The following SAMMSON variants were observed in gnomAD, a reference collection of about 807,000 sequenced individuals.
SAMMSON encodes the protein long intergenic non-protein coding RNA 1212.
intron 4 of SAMMSON, among the ~76,000 whole-genome samples, chr3:70,247,609 A>G (rs1282915017): frequency 6.6e-6 from 1 of 151,950 alleles, no homozygotes; most frequent in African/African-American, 2.4e-5. Flanking sequence ...ATATAACATT[A>G]TATCTCTTTT....
At chr3:70,331,176 A>G (rs946026167) in intron 7 of SAMMSON, among the ~76,000 whole-genome samples, 4 of 152,086 alleles carry the variant, frequency 2.6e-5, no homozygotes, top group Non-Finnish European at 4.4e-5. Flanking sequence ...TTTTTCAGAA[A>G]TCTCTTCTGT....
chr3:70,418,195 C>A (rs955629441), intron 2 of SAMMSON, among the ~76,000 whole-genome samples: 2 of 152,176 alleles, frequency 1.3e-5, no homozygotes, highest in Non-Finnish European at 2.9e-5. Flanking sequence ...TTCAGAGGAG[C>A]AGTGTACAAT....
At chr3:70,303,743 G>A (rs1702372881) in intron 7 of SAMMSON, among the ~76,000 whole-genome samples, 1 of 152,138 alleles carries the variant, frequency 6.6e-6, no homozygotes, top group South Asian at 2.1e-4. Flanking sequence ...GTGCAGTGGT[G>A]TGATCCTGGC....
At chr3:70,409,358 C>T (rs528182947) in intron 2 of SAMMSON, among the ~76,000 whole-genome samples, 1 of 151,560 alleles carries the variant, frequency 6.6e-6, no homozygotes, top group Non-Finnish European at 1.5e-5. Flanking sequence ...AGATTAATTT[C>T]ATAAAATATG....
In SAMMSON at chr3:70,238,667, G is replaced by T. The variant is rs138303307; in HGVS notation, n.508-10440G>T. On this transcript the variant is annotated intron_variant and non_coding_transcript_variant, in intron 4 of 9. Transcript: ENST00000642114. ...AACCCCCAAAAGGGGGCCAAGAAAAGAAAGTAAAGGCAGGGCACTTTAGCC... is the reference window on the plus strand; with the variant it reads ...AACCCCCAAAAGGGGGCCAAGAAAATAAAGTAAAGGCAGGGCACTTTAGCC... Among the ~76,000 whole-genome samples, 98 of 152,058 alleles carry T rather than the reference G, an allele frequency of 6.4e-4. No homozygotes were observed. The East Asian group carries it at 0.016, about 25-fold the overall frequency.
intron 7 of SAMMSON, among the ~76,000 whole-genome samples, chr3:70,311,264 G>A (rs191475324): frequency 1.3e-5 from 2 of 152,270 alleles, no homozygotes; most frequent in African/African-American, 4.8e-5. Flanking sequence ...TATTAAAAGT[G>A]ATCATAAAAT....
chr3:70,133,430 T>C (rs1414633619), intron 4 of SAMMSON, among the ~76,000 whole-genome samples: 2 of 152,194 alleles, frequency 1.3e-5, no homozygotes, highest in Non-Finnish European at 2.9e-5. Flanking sequence ...CTCTTCTGTT[T>C]GGCTGTTTCT....
At chr3:70,000,768 T>C (rs2066902710) in intron 1 of SAMMSON, among the ~76,000 whole-genome samples, 1 of 152,202 alleles carries the variant, frequency 6.6e-6, no homozygotes, top group Admixed American at 6.5e-5. Flanking sequence ...ATGCTTCCCA[T>C]TGTCAGCTTG....
At chr3:70,021,327 G>T (rs1362668432) in intron 3 of SAMMSON, among the ~76,000 whole-genome samples, 1 of 152,044 alleles carries the variant, frequency 6.6e-6, no homozygotes, top group Non-Finnish European at 1.5e-5. Context: ...TACTTTTCAA[G>T]AAAGAAGCCA....
intron 9 of SAMMSON, among the ~76,000 whole-genome samples, chr3:70,386,904 A>G (rs1703127229): frequency 6.6e-6 from 1 of 152,100 alleles, no homozygotes; most frequent in African/African-American, 2.4e-5. Flanking sequence ...TATTTCAGGA[A>G]AAGATGGCAG....
At chr3:70,225,710 A>T (rs1441459275) in intron 4 of SAMMSON, among the ~76,000 whole-genome samples, 2 of 152,252 alleles carry the variant, frequency 1.3e-5, no homozygotes, top group Admixed American at 1.3e-4. Flanking sequence ...CCCCAAAATG[A>T]AACAATAAAG....
chr3:70,158,696 A>G (rs2067601831), intron 4 of SAMMSON, among the ~76,000 whole-genome samples: 1 of 152,066 alleles, frequency 6.6e-6, no homozygotes, highest in Non-Finnish European at 1.5e-5. Flanking sequence ...ATTGCTTGTA[A>G]CTGTAAATCC....
intron 4 of SAMMSON, among the ~76,000 whole-genome samples, chr3:70,169,477 A>G (rs994637663): frequency 1.3e-5 from 2 of 151,954 alleles, no homozygotes; most frequent in African/African-American, 4.8e-5. Flanking sequence ...ATATTGTGCA[A>G]TTCACACTAG....
At chr3:70,361,140 C>A (rs1575633535) in intron 9 of SAMMSON, among the ~76,000 whole-genome samples, 2 of 152,032 alleles carry the variant, frequency 1.3e-5, no homozygotes, top group East Asian at 3.9e-4. Flanking sequence ...AAGGGCAAAA[C>A]CCTTAAAGAC....
intron 1 of SAMMSON, among the ~76,000 whole-genome samples, chr3:70,007,264 A>G (rs1474577510): frequency 1.3e-5 from 2 of 152,206 alleles, no homozygotes; most frequent in African/African-American, 2.4e-5. Context: ...AGTCCCAACA[A>G]CAGTGTAAAA....
intron 4 of SAMMSON, among the ~76,000 whole-genome samples, chr3:70,211,954 T>C (rs1292106133): frequency 6.6e-6 from 1 of 151,800 alleles, no homozygotes; most frequent in Non-Finnish European, 1.5e-5. Context: ...TTGACTGACC[T>C]AGCCCATCTC....
At chr3:70,285,780 G>C (rs1702155869) in intron 6 of SAMMSON, among the ~76,000 whole-genome samples, 1 of 152,054 alleles carries the variant, frequency 6.6e-6, no homozygotes. Flanking sequence ...TCTCATTGTG[G>C]TTTTGATTTG....
intron 3 of SAMMSON, among the ~76,000 whole-genome samples, chr3:70,049,997 T>C (rs1373014424): frequency 6.6e-6 from 1 of 152,074 alleles, no homozygotes; most frequent in African/African-American, 2.4e-5. Flanking sequence ...CAAGATTCTA[T>C]GTGCCAAGCT....
chr3:70,392,568 A>G (rs1032042117), downstream of SAMMSON, among the ~76,000 whole-genome samples: 45 of 152,154 alleles, frequency 3.0e-4, no homozygotes, highest in African/African-American at 1.1e-3. Context: ...CTCCACCACT[A>G]GCCCCACAGA....
Sources: gnomAD v4.1 joint callset for allele counts (sites outside exome capture counted in the v4.1 genomes callset) on GRCh38, gnomAD v4.1.1 for gene constraint, MANE v1.5 for transcripts, NCBI Gene and HGNC (gene_info 2026-07-23, HGNC 2026-07-21) for gene names.